AP2A2: variants seen among roughly 807,000 people sequenced by gnomAD.
The protein encoded by AP2A2 is AP-2 complex subunit alpha-2.
AP2A2 carries 32 observed loss-of-function variants against 104.2 expected under a neutral mutation model. That is an observed-to-expected ratio of 0.31 (90% CI 0.23 to 0.41). The LOEUF is 0.41. AP2A2 is among the 10% of genes least tolerant of loss of function. The pLI, the probability that AP2A2 is intolerant of heterozygous loss-of-function variation, is 1.00. For synonymous variants in AP2A2, 539 were observed against 533.3 expected (o/e 1.01, Z -0.15); for missense variants, 912 against 1,261.0 (o/e 0.72, Z 4.19).
chr11:959,699 G>A (rs1283019562), intron 2 of AP2A2, among the ~76,000 whole-genome samples, 194 bp downstream of exon 2: 1 of 152,234 alleles, frequency 6.6e-6, no homozygotes, highest in Admixed American at 6.5e-5. Context: ...CCCTCCTGGT[G>A]TCTGGTCTTT....
chr11:976,708 G>A (rs1855052981), intron 4 of AP2A2, among the ~76,000 whole-genome samples: 1 of 152,110 alleles, frequency 6.6e-6, no homozygotes, highest in East Asian at 1.9e-4. Flanking sequence ...TGGGCGTGGG[G>A]CAGGGGAAGA....
chr11:932,741 T>C (rs1444485421), intron 1 of AP2A2: 3 of 456,198 alleles, frequency 6.6e-6, no homozygotes, highest in Middle Eastern at 3.2e-4. Context: ...GACACCCTGG[T>C]TCTCTTCACA....
chr11:957,203 T>C (rs1245350020), intron 1 of AP2A2, among the ~76,000 whole-genome samples: 1 of 152,236 alleles, frequency 6.6e-6, no homozygotes, highest in Non-Finnish European at 1.5e-5. Context: ...GGTGACGTGA[T>C]GCGTAGGGCA....
intron 9 of AP2A2, 51 bp from the exon 10 acceptor site, chr11:988,501 C>A: frequency 6.3e-7 from 1 of 1,590,446 alleles, no homozygotes; most frequent in South Asian, 1.1e-5. Flanking sequence ...AGCCTGTCCC[C>A]AAGCTTGTGC....
At chr11:985,391 G>A (rs754769851) in intron 7 of AP2A2, 44 bp from the exon 8 acceptor site, 19 of 1,585,024 alleles carry the variant, frequency 1.2e-5, no homozygotes, top group East Asian at 2.3e-5. Flanking sequence ...GGTGGGCTGC[G>A]GGCCACTGGA....
chr11:973,660 C>G (rs1031870440), intron 4 of AP2A2, among the ~76,000 whole-genome samples: 5 of 150,368 alleles, frequency 3.3e-5, no homozygotes, highest in African/African-American at 2.4e-5. Flanking sequence ...AAGGAAGGCT[C>G]GAATGATCAC....
intron 15 of AP2A2, among the ~76,000 whole-genome samples, chr11:1,001,059 A>G (rs1590017253): frequency 6.6e-6 from 1 of 152,198 alleles, no homozygotes; most frequent in Non-Finnish European, 1.5e-5. Context: ...CTCACTTGCT[A>G]AGTCCTTCTG....
chr11:987,045 C>G (rs1855485354), intron 9 of AP2A2, 92 bp downstream of exon 9: 18 of 1,402,466 alleles, frequency 1.3e-5, no homozygotes, highest in Non-Finnish European at 1.6e-5. Flanking sequence ...CCTCCTGACT[C>G]CCCGCAGAGA....
chr11:964,835 T>C (rs1854561484), intron 2 of AP2A2, among the ~76,000 whole-genome samples: 1 of 122,638 alleles, frequency 8.2e-6, no homozygotes, highest in Non-Finnish European at 1.9e-5. Flanking sequence ...GGCAGGAAAT[T>C]AAAGGAAATA....
At chr11:927,919 G>A (rs1431474366) in intron 1 of AP2A2, among the ~76,000 whole-genome samples, 1 of 151,146 alleles carries the variant, frequency 6.6e-6, no homozygotes, top group Non-Finnish European at 1.5e-5. Flanking sequence ...AGACCAACAT[G>A]CATTTTGTAA....
Position 972,220 on chromosome 11 carries a change from C to T in AP2A2, c.438C>T (p.Ala146=). ...ASVGSREMAE[A]FAGEIPKVLV... ...TGGGCAGCCGGGAGATGGCCGAGGC[C>T]TTCGCCGGGGAGATCCCTAAGGTCC... Residue 146 remains alanine (A), a synonymous_variant, in exon 4 of 22, where the codon GCC becomes GCT. Coordinates refer to ENST00000448903, the MANE Select transcript of AP2A2 (RefSeq NM_012305.4). 1.2e-6 allele frequency: 2 copies of T among 1,608,796 alleles called. No homozygotes were observed. The highest frequency in any genetic ancestry group is 1.7e-6 in the Non-Finnish European group (2 of 1,179,072).
At chr11:1,007,002 G>C (rs954626618) in intron 17 of AP2A2, 6 of 178,234 alleles carry the variant, frequency 3.4e-5, no homozygotes, top group Non-Finnish European at 7.1e-5. Context: ...GGGGACTGGA[G>C]CGCGGTGCGC....
At chr11:967,423 G>A (rs1400066479) in intron 2 of AP2A2, among the ~76,000 whole-genome samples, 1 of 151,770 alleles carries the variant, frequency 6.6e-6, no homozygotes, top group African/African-American at 2.4e-5. Context: ...GTGCAGTGGC[G>A]CGATCTCGGC....
chr11:973,027 A>G (rs1462277970), intron 4 of AP2A2, among the ~76,000 whole-genome samples: 5 of 152,260 alleles, frequency 3.3e-5, no homozygotes, highest in African/African-American at 7.2e-5. Flanking sequence ...TGTCTGTGCC[A>G]CAGGCAGGGC....
At position 953,829 on chromosome 11, in the gene AP2A2, C is replaced by T. The variant is rs1458806344; in HGVS notation, c.68-5608C>T. ...AGACGTGACACTACTCTTCTCTCTA[C>T]CTTCTCTCTTTTTTTTTTTTTTTGA... On this transcript the variant is annotated intron_variant, in intron 1 of 21. Transcript: ENST00000448903. Among the ~76,000 whole-genome samples, 4 of 151,312 alleles carry T rather than the reference C, an allele frequency of 2.6e-5. No homozygotes were observed. In the East Asian group the frequency reaches 7.8e-4, roughly 30 times the overall value.
rs559706750 is a variant in AP2A2, at chr11:953,908, C to T, written c.68-5529C>T. On this transcript the variant is annotated intron_variant, in intron 1 of 21. Transcript: ENST00000448903. ...GTAGTGCAATGGCGCGATCTCGGCT[C>T]ACTGCAACCTCCGCCTCCTGGGTTC... Among the ~76,000 whole-genome samples the T allele has an allele frequency of 1.3e-5, 2 of 151,146 alleles. 1 individual carries two copies. Among genetic ancestry groups the T allele is most frequent in the South Asian group, 4.2e-4 (2 of 4,780 alleles).
rs1175803292 is a variant in AP2A2, at chr11:1,003,522, C to T, written c.2124-200C>T. On this transcript the variant is annotated intron_variant, in intron 15 of 21. Transcript: ENST00000448903. ...ACAGGTCTTGCCGGGGCTGTGTCCGCGTCCCTGCGTCCTGCTCACCGTCCT... is the reference window on the plus strand; with the variant it reads ...ACAGGTCTTGCCGGGGCTGTGTCCGTGTCCCTGCGTCCTGCTCACCGTCCT... The T allele has an allele frequency of 6.2e-5, 30 of 480,318 alleles. No homozygotes were observed. The East Asian group carries it at 7.5e-4, about 12-fold the overall frequency. 29.8% of individuals were successfully genotyped at this position (480,318 alleles called of 1,614,324 possible).
In AP2A2 at chr11:993,253, G is replaced by T; in HGVS notation, c.1453-31G>T. The T allele has an allele frequency of 6.4e-7, 1 of 1,573,226 alleles. No homozygotes were observed. The highest frequency in any genetic ancestry group is 2.3e-5 in the East Asian group (1 of 43,802). On this transcript the variant is annotated intron_variant, in intron 11 of 21. Transcript: ENST00000448903. This position sits in a 1 kb window ranked among gnomAD's most constrained non-coding sequence, Gnocchi z 8.2. ...CTCGCCTTAACTCTGGCACCTGGCT[G>T]CCACCCCGGCTCATTGTTTGTGCTT...
chr11:995,238 C>G (rs776278172), intron 14 of AP2A2: 86 of 451,368 alleles, frequency 1.9e-4, no homozygotes, highest in Non-Finnish European at 3.3e-4. Flanking sequence ...CCCTGCTCTT[C>G]GAGGTTTTAT....
Sources: allele counts gnomAD v4.1 joint callset (sites outside exome capture counted in the v4.1 genomes callset), GRCh38; gene constraint gnomAD v4.1.1; non-coding constraint Gnocchi (gnomAD v3.1); transcripts MANE v1.5; gene names NCBI Gene and HGNC (gene_info 2026-07-23, HGNC 2026-07-21).